The following CTBP2 variants were observed in gnomAD, a reference collection of about 807,000 sequenced individuals.
CTBP2 encodes the protein C-terminal-binding protein 2.
CTBP2 carries 30 observed loss-of-function variants against 80.3 expected under a neutral mutation model. The observed-to-expected ratio is 0.37, with a 90% confidence interval of 0.28 to 0.51. The LOEUF (loss-of-function observed/expected upper bound fraction) is 0.51, where lower values mean the gene tolerates loss of function less well. Among genes scored for constraint, CTBP2 ranks in the 20% least tolerant of loss-of-function variants. CTBP2 has a pLI of 0.93. For missense variants in CTBP2, 1,212 were observed against 1,375.3 expected (o/e 0.88, Z 1.88); for synonymous variants, 594 against 587.4 (o/e 1.01, Z -0.16).
intron 3 of CTBP2, chr10:125,000,914 G>A (rs1286770317): frequency 6.6e-6 from 1 of 152,266 alleles, no homozygotes; most frequent in Non-Finnish European, 1.5e-5. Flanking sequence ...GTCTACATTC[G>A]AAAAGTGCCC....
At position 125,026,154 on chromosome 10, in the gene CTBP2, A is replaced by G; in HGVS notation, c.1606T>C (p.Ser536Pro). ...CGCCGGGCCACCTTCTGGTACGGTG[A>G]GTGAGGCGTGTGGAGGCTCTGGCTG... Residue 536 changes from serine (S) to proline (P), a missense_variant, in exon 1 of 9, where the codon TCA becomes CCA. Ser to Pro is a moderately conservative substitution (Grantham distance 74). Coordinates refer to ENST00000309035, the MANE Select transcript of CTBP2 (RefSeq NM_022802.3). 6.2e-7 allele frequency: 1 copy of G among 1,608,702 alleles called. No individual in the cohort carries two copies. Among genetic ancestry groups the G allele is most frequent in the Non-Finnish European group, 8.5e-7 (1 of 1,176,126 alleles).
chr10:125,099,927 C>T (rs1224007328), intron 2 of CTBP2, among the ~76,000 whole-genome samples: 1 of 152,202 alleles, frequency 6.6e-6, no homozygotes, highest in East Asian at 1.9e-4. Context: ...TTTGCGCAGG[C>T]TCAGATTCAG....
intron 1 of CTBP2, among the ~76,000 whole-genome samples, chr10:125,122,087 C>A (rs1299005268): frequency 1.3e-5 from 2 of 152,170 alleles, no homozygotes; most frequent in Non-Finnish European, 2.9e-5. Flanking sequence ...TGGCTTTAGT[C>A]TTGATTCAGG....
At chr10:125,052,243 G>A (rs1037113483) in intron 2 of CTBP2, among the ~76,000 whole-genome samples, 1 of 152,164 alleles carries the variant, frequency 6.6e-6, no homozygotes, top group African/African-American at 2.4e-5. Context: ...GTCAACCCAA[G>A]CCTGCTTTAT....
At position 125,034,738 on chromosome 10, in the gene CTBP2, A is replaced by G. The variant is rs7097997; in HGVS notation, c.58+4259T>C. Among the ~76,000 whole-genome samples the G allele has an allele frequency of 1.4e-3, 218 of 152,350 alleles. 2 individuals carry two copies. The highest frequency in any genetic ancestry group is 4.8e-3 in the African/African-American group (199 of 41,572). On this transcript the variant is annotated intron_variant, in intron 3 of 10. Transcript: ENST00000337195. ...TCCTGATTTTATAATGCATCTGTAC[A>G]AAGATAGGTGAAAAGAAAACAGCTA...
At chr10:125,094,643 G>A (rs1446444482) in intron 2 of CTBP2, among the ~76,000 whole-genome samples, 2 of 152,114 alleles carry the variant, frequency 1.3e-5, no homozygotes, top group African/African-American at 2.4e-5. Context: ...GTCATGCCGG[G>A]GTGGGGAGGG....
chr10:125,087,494 G>C (rs559838035), intron 2 of CTBP2, among the ~76,000 whole-genome samples: 1 of 152,238 alleles, frequency 6.6e-6, no homozygotes, highest in South Asian at 2.1e-4. Context: ...CACCTGCCAG[G>C]AAACACTCCC....
chr10:125,144,293 T>C (rs1858355407), intron 1 of CTBP2, among the ~76,000 whole-genome samples: 1 of 152,236 alleles, frequency 6.6e-6, no homozygotes, highest in Non-Finnish European at 1.5e-5. Context: ...AACCATTCTC[T>C]GGACGGCCTG....
At chr10:124,993,500 A>G (rs1044154674) in intron 6 of CTBP2, among the ~76,000 whole-genome samples, 171 bp from the exon 9 acceptor site, 1 of 152,224 alleles carries the variant, frequency 6.6e-6, no homozygotes, top group Non-Finnish European at 1.5e-5. Context: ...GAATGTAATT[A>G]TCAAAGTTGT....
intron 1 of CTBP2, among the ~76,000 whole-genome samples, chr10:125,139,717 TCCCCA>T (rs1470217950): frequency 6.6e-6 from 1 of 152,038 alleles, no homozygotes; most frequent in East Asian, 1.9e-4. Flanking sequence ...GGAAGCAACT[TCCCCA>T]CCCAAAGTGT....
chr10:125,084,892 G>A (rs1233610583), intron 2 of CTBP2, among the ~76,000 whole-genome samples: 2 of 152,170 alleles, frequency 1.3e-5, no homozygotes, highest in Non-Finnish European at 2.9e-5. Context: ...GCCCAGGCTT[G>A]ACACACAGCC....
rs564770474 is a variant in CTBP2 at position 125,087,075 on chromosome 10, C to CTTT, written c.-102+23912_-102+23914dup. Among the ~76,000 whole-genome samples, 14 of 136,554 alleles carry CTTT rather than the reference C, an allele frequency of 1.0e-4. No individual in the cohort carries two copies. The East Asian group carries it at 1.5e-3, about 15-fold the overall frequency. 89.6% of individuals were successfully genotyped at this position (136,554 alleles called of 152,430 possible). A position where few individuals can be genotyped will look rare whatever the true frequency, so the allele number is the denominator to read the frequency against. On this transcript the variant is annotated intron_variant, in intron 2 of 10. Coordinates refer to the CTBP2 transcript ENST00000337195. ...AAAGGAAAATTTGGGCAATTTCTTT[C>CTTT]TTTTTTTTTTTTTTTTTGAGACAGA...
At chr10:125,007,345 C>T (rs916151090) in intron 1 of CTBP2, among the ~76,000 whole-genome samples, 8 of 152,278 alleles carry the variant, frequency 5.3e-5, no homozygotes, top group Non-Finnish European at 8.8e-5. Context: ...GCAGTGCTGA[C>T]GCCCATCCCT....
chr10:125,105,714 A>G (rs1325401862), intron 2 of CTBP2, among the ~76,000 whole-genome samples: 3 of 152,258 alleles, frequency 2.0e-5, no homozygotes, highest in African/African-American at 7.2e-5. Flanking sequence ...AATGCATTCT[A>G]AGAGTATTAA....
At chr10:125,155,684 TA>T (rs35676871) in intron 1 of CTBP2, among the ~76,000 whole-genome samples, 21,927 of 144,174 alleles carry the variant, frequency 0.15, 1,839 homozygotes, top group African/African-American at 0.23. Context: ...AAGATAGGAT[TA>T]AAAAAAAAAA....
At chr10:125,010,309 GCTTT>G (rs1955736399) in intron 1 of CTBP2, among the ~76,000 whole-genome samples, 1 of 151,508 alleles carries the variant, frequency 6.6e-6, no homozygotes, top group South Asian at 2.1e-4. Flanking sequence ...TGGCAAATGG[GCTTT>G]CTCTCTGTGT....
At chr10:125,051,442 C>T (rs1962727973) in intron 2 of CTBP2, among the ~76,000 whole-genome samples, 1 of 152,190 alleles carries the variant, frequency 6.6e-6, no homozygotes, top group African/African-American at 2.4e-5. Flanking sequence ...GAGTTTGAGA[C>T]AAGCCTGGCC....
At chr10:125,122,337 A>G (rs1265364126) in intron 1 of CTBP2, among the ~76,000 whole-genome samples, 1 of 152,262 alleles carries the variant, frequency 6.6e-6, no homozygotes, top group Admixed American at 6.5e-5. Flanking sequence ...ATGTATGTTC[A>G]AAATGCAGGG....
At chr10:125,113,204 A>G (rs1466119044) in intron 1 of CTBP2, among the ~76,000 whole-genome samples, 3 of 152,210 alleles carry the variant, frequency 2.0e-5, no homozygotes, top group African/African-American at 7.2e-5. Context: ...CTTTTCAGTA[A>G]TCCCAAGCCT....
Sources: gnomAD v4.1 joint callset for allele counts (sites outside exome capture counted in the v4.1 genomes callset) on GRCh38, gnomAD v4.1.1 for gene constraint, MANE v1.5 for transcripts, NCBI Gene and HGNC (gene_info 2026-07-23, HGNC 2026-07-21) for gene names.